RFPL2: variants seen among roughly 807,000 people sequenced by gnomAD.
The protein encoded by RFPL2 is ret finger protein-like 2.
Under a neutral mutation model 17.8 loss-of-function variants are expected in RFPL2, and 13 were observed. That is an observed-to-expected ratio of 0.73 (90% CI 0.47 to 1.16). The LOEUF (loss-of-function observed/expected upper bound fraction) is 1.16. Among genes scored for constraint, RFPL2 ranks in the 50% most tolerant of loss-of-function variants. RFPL2 has a pLI of 0.00. For synonymous variants in RFPL2, 189 were observed against 180.9 expected, an observed-to-expected ratio of 1.04 and a Z score of -0.36; for missense variants, 431 against 479.3, an observed-to-expected ratio of 0.90 and a Z score of 0.94.
Position 32,193,536 on chromosome 22 carries a change from C to T in RFPL2, c.266-344G>A, listed in dbSNP as rs1922951998. On this transcript the variant is annotated intron_variant, in intron 3 of 4. Transcript: ENST00000652607. ...CATTTCACCTCCTCCTAGGGGAACC[C>T]CAGCAAGAGACTGATTGATGAACAT... 4.5e-6 allele frequency: 6 copies of T among 1,332,544 alleles called. No homozygotes were observed. The South Asian group carries it at 1.1e-4, about 24-fold the overall frequency. 82.5% of individuals were successfully genotyped at this position (1,332,544 alleles called of 1,614,324 possible).
intron 2 of RFPL2, among the ~76,000 whole-genome samples, chr22:32,196,870 TA>T (rs1363772669): frequency 6.6e-6 from 1 of 152,148 alleles, no homozygotes; most frequent in African/African-American, 2.4e-5. Flanking sequence ...CCACAGTCCG[TA>T]AAACCCAAAG....
intron 2 of RFPL2, among the ~76,000 whole-genome samples, chr22:32,199,633 G>A (rs1221703038): frequency 8.5e-5 from 13 of 152,214 alleles, no homozygotes; most frequent in African/African-American, 2.4e-4. Context: ...AGGATGATGC[G>A]TGGCAGGCAG....
chr22:32,198,242 G>A (rs1923554501), intron 2 of RFPL2, among the ~76,000 whole-genome samples: 1 of 152,126 alleles, frequency 6.6e-6, no homozygotes, highest in African/African-American at 2.4e-5. Context: ...CCTTAGGGAA[G>A]CAAATGCCTT....
Position 32,190,651 on chromosome 22 carries a change from A to G in RFPL2, c.*121T>C. ...AATCAAATTAGATTAAGTACAATCA[A>G]GAAATGTCCCATATTTTTCTCCCGT... On this transcript the variant is annotated 3_prime_UTR_variant, in exon 5 of 5. Coordinates refer to ENST00000652607, the MANE Select transcript of RFPL2 (RefSeq NM_001394555.1). 8.8e-6 allele frequency: 9 copies of G among 1,022,886 alleles called. No individual in the cohort carries two copies. Among genetic ancestry groups the G allele is most frequent in the Middle Eastern group, 2.4e-4 (1 of 4,234 alleles). The allele number at this position is 1,022,886 out of a possible 1,614,324, so 63.4% of individuals were successfully genotyped here.
At chr22:32,193,393 C>T (rs532465670) in intron 3 of RFPL2, 43 of 1,539,434 alleles carry the variant, frequency 2.8e-5, no homozygotes, top group Middle Eastern at 3.6e-4. Context: ...GGGAAAGTCA[C>T]GAATCATCAC....
rs748968867 is a variant in RFPL2, at chr22:32,190,753, G to T, written c.*19C>A. On this transcript the variant is annotated 3_prime_UTR_variant, in exon 5 of 5. Coordinates refer to ENST00000652607, the MANE Select transcript of RFPL2 (RefSeq NM_001394555.1). ...AAGTAATTTTCTTACCCTGTTTTTT[G>T]TTTTTTTGGAGTGAGGGCTTATTTG... 23 of 1,498,798 alleles carry T rather than the reference G, an allele frequency of 1.5e-5. No individual in the cohort carries two copies. The African/African-American group carries it at 1.8e-4, about 12-fold the overall frequency. 92.8% of individuals were successfully genotyped at this position (1,498,798 alleles called of 1,614,324 possible). A position where few individuals can be genotyped will look rare whatever the true frequency, so the allele number is the denominator to read the frequency against.
At chr22:32,203,129 C>G in intron 1 of RFPL2, 1 of 973,530 alleles carries the variant, frequency 1.0e-6, no homozygotes, top group Non-Finnish European at 1.2e-6. Flanking sequence ...CCAGATGGCG[C>G]CCCTAACTCA....
At chr22:32,195,807 T>C (rs1270894724) in intron 2 of RFPL2, among the ~76,000 whole-genome samples, 1 of 152,114 alleles carries the variant, frequency 6.6e-6, no homozygotes, top group Non-Finnish European at 1.5e-5. Context: ...CTCTTAACTT[T>C]CTGAAAATAT....
At chr22:32,204,550 C>T (rs1924339282) in intron 1 of RFPL2, among the ~76,000 whole-genome samples, 157 bp downstream of exon 1, 1 of 152,214 alleles carries the variant, frequency 6.6e-6, no homozygotes, top group Non-Finnish European at 1.5e-5. Flanking sequence ...CGCCCCCTGC[C>T]GCAGGCAGTG....
In RFPL2 at chr22:32,194,082, C is replaced by T. The variant is rs1453063042; in HGVS notation, c.265+263G>A. ...CAACCTGGACAACAGAGTTAAGACC[C>T]GTCTCACCAAAAAATAAAAAAATAA... On this transcript the variant is annotated intron_variant, in intron 3 of 4. Transcript: ENST00000652607. 2.0e-5 allele frequency among the ~76,000 whole-genome samples: 3 copies of T among 150,990 alleles called. No homozygotes were observed. The East Asian group carries it at 5.8e-4, about 29-fold the overall frequency.
At position 32,202,249 on chromosome 22, in the gene RFPL2, A is replaced by G. The variant is rs1923993321; in HGVS notation, c.119+84T>C. On this transcript the variant is annotated intron_variant, in intron 2 of 4. Transcript: ENST00000652607. ...CTCCATCCCCACATCTCCTCCTCTC[A>G]CTGTGACCCTCCTCCTGCCTTCCTC... 2.0e-6 allele frequency: 3 copies of G among 1,509,024 alleles called. No homozygotes were observed. The Admixed American group carries it at 6.0e-5, about 30-fold the overall frequency. The allele number at this position is 1,509,024 out of a possible 1,614,324, so 93.5% of individuals were successfully genotyped here. A position where few individuals can be genotyped will look rare whatever the true frequency, so the allele number is the denominator to read the frequency against.
intron 1 of RFPL2, among the ~76,000 whole-genome samples, chr22:32,204,395 G>A (rs1389048771): frequency 6.6e-6 from 1 of 151,930 alleles, no homozygotes; most frequent in Non-Finnish European, 1.5e-5. Context: ...CAACCTTCCC[G>A]TGCTGTAGGC....
At chr22:32,202,206 C>T in intron 2 of RFPL2, 127 bp downstream of exon 2, 1 of 1,196,274 alleles carries the variant, frequency 8.4e-7, no homozygotes, top group South Asian at 1.5e-5. Context: ...CCCTGGACTC[C>T]CCTCTCCTTC....
chr22:32,193,596 T>C lies in RFPL2; in HGVS notation c.266-404A>G, dbSNP rs557339423. The C allele has an allele frequency of 3.4e-4, 300 of 883,352 alleles. 1 individual carries two copies. In the African/African-American group the frequency reaches 4.8e-3, roughly 14 times the overall value. The allele number at this position is 883,352 out of a possible 1,614,324, so 54.7% of individuals were successfully genotyped here. On this transcript the variant is annotated intron_variant, in intron 3 of 4. Transcript: ENST00000652607. The stretch of plus-strand genomic sequence containing the variant: ...GGGCTGGGAGGCCGGGCACGATGGC[T>C]CATGCCTGTCCAGCACTTTGGGAGG...
intron 3 of RFPL2, chr22:32,193,474 C>T: frequency 6.9e-7 from 1 of 1,438,896 alleles, no homozygotes; most frequent in Non-Finnish European, 9.1e-7. Flanking sequence ...GAGCCAGTGA[C>T]ATGGCAGCAC....
intron 1 of RFPL2, chr22:32,203,045 G>T (rs1924110025): frequency 2.0e-6 from 2 of 985,710 alleles, no homozygotes; most frequent in Admixed American, 6.1e-5. Context: ...TGGCCGGGAA[G>T]AGGAGGACCG....
chr22:32,204,514 T>A (rs1158849297), intron 1 of RFPL2, among the ~76,000 whole-genome samples, 193 bp downstream of exon 1: 6 of 152,096 alleles, frequency 3.9e-5, no homozygotes, highest in Non-Finnish European at 8.8e-5. Context: ...CAGCTCCAGA[T>A]CGTGCATCCA....
At chr22:32,198,804 A>G (rs1019135821) in intron 2 of RFPL2, among the ~76,000 whole-genome samples, 4 of 150,724 alleles carry the variant, frequency 2.7e-5, no homozygotes, top group African/African-American at 9.8e-5. Context: ...GAGGTACGGC[A>G]CTAGGCCGGG....
intron 4 of RFPL2, 139 bp from the exon 5 acceptor site, chr22:32,191,491 T>C (rs136473): frequency 0.48 from 494,457 of 1,033,152 alleles, 126,623 homozygotes; most frequent in African/African-American, 0.79. Context: ...CTTCATGAGG[T>C]AACTTCCCTG....
Sources: gnomAD v4.1 joint callset for allele counts (sites outside exome capture counted in the v4.1 genomes callset) on GRCh38, gnomAD v4.1.1 for gene constraint, MANE v1.5 for transcripts, NCBI Gene and HGNC (gene_info 2026-07-23, HGNC 2026-07-21) for gene names.